Variants in ZBTB11 observed in about 807,000 individuals in gnomAD.
The protein encoded by ZBTB11 is zinc finger and BTB domain containing 11.
In ZBTB11, 68 loss-of-function variants were observed where a neutral mutation model predicts 113.1. The ratio of observed to expected loss-of-function variants is 0.60; its 90% CI spans 0.49 to 0.74. ZBTB11 has a LOEUF of 0.74. Ranked by LOEUF, ZBTB11 falls within the 30% of genes least tolerant of loss-of-function variation. The probability of loss-of-function intolerance (pLI) is 0.00; values close to 1 mark genes in which losing one functional copy is unlikely to be tolerated. For synonymous variants in ZBTB11, 518 were observed against 452.6 expected (o/e 1.14, Z -1.83); for missense variants, 1,104 against 1,279.4 (o/e 0.86, Z 2.09).
rs950947211 is a variant in ZBTB11 at position 101,650,056 on chromosome 3, T to A, written c.*1110A>T. ...ATGAATTAATATAACTTAGTTTTCA[T>A]AACCTTTAAAAATAATTTATCTTCA... On this transcript the variant is annotated 3_prime_UTR_variant, in exon 11 of 11. Coordinates refer to ENST00000312938, the MANE Select transcript of ZBTB11 (RefSeq NM_014415.4). 1.3e-5 allele frequency: 2 copies of A among 152,506 alleles called. No homozygotes were observed. Among genetic ancestry groups the A allele is most frequent in the African/African-American group, 4.8e-5 (2 of 41,458 alleles). 9.4% of individuals were successfully genotyped at this position (152,506 alleles called of 1,614,324 possible).
chr3:101,657,496 GAC>G (rs1158261692), intron 6 of ZBTB11, among the ~76,000 whole-genome samples: 1 of 150,012 alleles, frequency 6.7e-6, no homozygotes, highest in Non-Finnish European at 1.5e-5. Flanking sequence ...AACAGAGTGA[GAC>G]CCTGCCTCCA....
Position 101,648,895 on chromosome 3 carries a change from A to G in ZBTB11, c.*2271T>C, listed in dbSNP as rs1936648311. The G allele has an allele frequency of 6.6e-6, 1 of 152,288 alleles. No homozygotes were observed. Among genetic ancestry groups the G allele is most frequent in the South Asian group, 2.1e-4 (1 of 4,826 alleles). 9.4% of individuals were successfully genotyped at this position (152,288 alleles called of 1,614,324 possible). A position where few individuals can be genotyped will look rare whatever the true frequency, so the allele number is the denominator to read the frequency against. ...GTACCTGCGTTCTTGTCCAGCGTCC[A>G]GGAAGAATCAGGTCACATGGACAAA... On this transcript the variant is annotated 3_prime_UTR_variant, in exon 11 of 11. Transcript: ENST00000312938.
chr3:101,655,323 G>A (rs1394958185), intron 7 of ZBTB11, among the ~76,000 whole-genome samples: 6 of 152,102 alleles, frequency 3.9e-5, no homozygotes, highest in Non-Finnish European at 8.8e-5. Context: ...ACTATCAGAG[G>A]GTATGACCCT....
rs1261318121 is a variant in ZBTB11 at position 101,676,948 on chromosome 3, G to C, written c.-34C>G. 1 of 1,515,530 alleles carries C rather than the reference G, an allele frequency of 6.6e-7. No individual in the cohort carries two copies. Among genetic ancestry groups the C allele is most frequent in the Non-Finnish European group, 8.8e-7 (1 of 1,131,234 alleles). 93.9% of individuals were successfully genotyped at this position (1,515,530 alleles called of 1,614,324 possible). A position where few individuals can be genotyped will look rare whatever the true frequency, so the allele number is the denominator to read the frequency against. ...GCGGCTCCCTGAGGGCGCCTGTCAG[G>C]GACAGGTGAGGAAAACGGCCCGCTA... On this transcript the variant is annotated 5_prime_UTR_variant, in exon 1 of 11. Transcript: ENST00000312938.
In ZBTB11 at chr3:101,649,365, ATAAAT is replaced by A. The variant is rs1270566640; in HGVS notation, c.*1796_*1800del. 1 of 152,242 alleles carries A rather than the reference ATAAAT, an allele frequency of 6.6e-6. No individual in the cohort carries two copies. Among genetic ancestry groups the A allele is most frequent in the East Asian group, 1.9e-4 (1 of 5,202 alleles). 9.4% of individuals were successfully genotyped at this position (152,242 alleles called of 1,614,324 possible). A position where few individuals can be genotyped will look rare whatever the true frequency, so the allele number is the denominator to read the frequency against. ...TGTTTTATTTCCTTTCCCTTTAAAAATAAATTAACTTAATAACACATCAAGTAACA... is the reference window on the plus strand; with the variant it reads ...TGTTTTATTTCCTTTCCCTTTAAAAATAACTTAATAACACATCAAGTAACA... On this transcript the variant is annotated 3_prime_UTR_variant, in exon 11 of 11. Coordinates refer to ENST00000312938, the MANE Select transcript of ZBTB11 (RefSeq NM_014415.4).
At chr3:101,668,232 G>A (rs947357813) in intron 3 of ZBTB11, among the ~76,000 whole-genome samples, 11 of 152,056 alleles carry the variant, frequency 7.2e-5, no homozygotes, top group East Asian at 5.8e-4. Context: ...ATAGGAGGAG[G>A]TTGATTAATA....
intron 1 of ZBTB11, among the ~76,000 whole-genome samples, chr3:101,676,313 G>A (rs960956652): frequency 1.3e-5 from 2 of 152,228 alleles, no homozygotes; most frequent in Admixed American, 1.3e-4. Flanking sequence ...CCAAGGAGGC[G>A]GACCTGGCGC....
chr3:101,675,777 G>C (rs1356784598), intron 1 of ZBTB11, among the ~76,000 whole-genome samples: 1 of 152,154 alleles, frequency 6.6e-6, no homozygotes, highest in East Asian at 1.9e-4. Flanking sequence ...ATCATTAGGG[G>C]AAAGATTATT....
rs73159207 is a variant in ZBTB11, at chr3:101,660,704, A to G, written c.1801-676T>C. On this transcript the variant is annotated intron_variant, in intron 5 of 10. Coordinates refer to ENST00000312938, the MANE Select transcript of ZBTB11 (RefSeq NM_014415.4). Reference sequence around the variant, plus strand: ...CTTAGATATGTAAATGATTTCCATTACCCCTCTTTATCAATATAGTTATAT... The same window carrying G: ...CTTAGATATGTAAATGATTTCCATTGCCCCTCTTTATCAATATAGTTATAT... 5.9e-3 allele frequency among the ~76,000 whole-genome samples: 897 copies of G among 152,260 alleles called. 6 individuals are homozygous for G. The highest frequency in any genetic ancestry group is 9.3e-3 in the Non-Finnish European group (632 of 68,016).
At chr3:101,661,800 C>G (rs1310681830) in intron 5 of ZBTB11, among the ~76,000 whole-genome samples, 1 of 152,116 alleles carries the variant, frequency 6.6e-6, no homozygotes, top group Non-Finnish European at 1.5e-5. Context: ...TCCTTAAGTT[C>G]TGAAATTTTT....
chr3:101,667,194 C>T (rs914825224), intron 3 of ZBTB11, among the ~76,000 whole-genome samples: 2 of 152,142 alleles, frequency 1.3e-5, no homozygotes, highest in Admixed American at 6.5e-5. Context: ...GCAGGGCAGG[C>T]GTGCACCTGG....
chr3:101,652,580 G>C lies in ZBTB11; in HGVS notation c.2560C>G (p.Gln854Glu). 6.2e-7 allele frequency: 1 copy of C among 1,614,128 alleles called. No homozygotes were observed. Among genetic ancestry groups the C allele is most frequent in the Non-Finnish European group, 8.5e-7 (1 of 1,180,012 alleles). ...ATHGKKGRAK[Q>E]NLERVCEKCG... The stretch of plus-strand genomic sequence containing the variant: ...TTTTCACACACCCGTTCCAGGTTTT[G>C]CTTTGCTCTTCCTTTCTTCCCATGG... The change falls in exon 10 of 11, where the codon CAA (glutamine) becomes GAA (glutamate). Residue 854 changes from glutamine to glutamate, a missense_variant. Gln to Glu is a conservative substitution (Grantham distance 29). Coordinates refer to ENST00000312938, the MANE Select transcript of ZBTB11 (RefSeq NM_014415.4).
intron 5 of ZBTB11, among the ~76,000 whole-genome samples, chr3:101,663,395 T>G (rs113426946): frequency 1.3e-5 from 2 of 152,204 alleles, no homozygotes; most frequent in Admixed American, 1.3e-4. Flanking sequence ...TTGAAATCTT[T>G]TGTCATGAGT....
At chr3:101,674,399 G>A (rs1937129466) in intron 1 of ZBTB11, among the ~76,000 whole-genome samples, 1 of 152,096 alleles carries the variant, frequency 6.6e-6, no homozygotes, top group Non-Finnish European at 1.5e-5. Context: ...TTATATGAGT[G>A]TAGATTTAGA....
At chr3:101,660,061 T>C (rs779622049) in intron 5 of ZBTB11, 33 bp from the exon 6 acceptor site, 9 of 1,589,802 alleles carry the variant, frequency 5.7e-6, no homozygotes, top group Admixed American at 5.2e-5. Flanking sequence ...TCTAAATGTA[T>C]TTCCATTACA....
intron 3 of ZBTB11, among the ~76,000 whole-genome samples, chr3:101,668,996 G>A (rs1010947626): frequency 4.6e-5 from 7 of 151,984 alleles, no homozygotes; most frequent in South Asian, 2.1e-4. Context: ...CCAGGGGTAC[G>A]GCAGACTAAG....
rs1391871513 is a variant in ZBTB11, at chr3:101,664,563, T to G, written c.1775A>C (p.Glu592Ala). The change falls in exon 5 of 11, where the codon GAA becomes GCA. Residue 592 changes from glutamate to alanine, a missense_variant. Transcript: ENST00000312938. ...TGGACATTTGTAATCTCTAGCTCTT[T>G]CATGTTTCAGTTTGTGCATTATAAG... is the stretch of plus-strand genomic sequence containing the variant. ...YALIMHKLKH[E>A]RARDYKCPLC... is the part of the protein sequence containing the mutation. The G allele has an allele frequency of 1.2e-6, 2 of 1,606,908 alleles. No individual in the cohort carries two copies. Among genetic ancestry groups the G allele is most frequent in the Non-Finnish European group, 1.7e-6 (2 of 1,178,312 alleles).
At chr3:101,666,497 C>A (rs1000097668) in intron 3 of ZBTB11, among the ~76,000 whole-genome samples, 1 of 151,268 alleles carries the variant, frequency 6.6e-6, no homozygotes, top group Non-Finnish European at 1.5e-5. Context: ...TTTGCCTATA[C>A]CAGGTCTAAG....
chr3:101,659,108 G>A (rs1326232923), intron 6 of ZBTB11, among the ~76,000 whole-genome samples: 1 of 152,102 alleles, frequency 6.6e-6, no homozygotes, highest in Admixed American at 6.6e-5. Flanking sequence ...GCGTGGTGGT[G>A]CACATCTGTA....
Sources: allele counts gnomAD v4.1 joint callset (sites outside exome capture counted in the v4.1 genomes callset), GRCh38; gene constraint gnomAD v4.1.1; transcripts MANE v1.5; gene names NCBI Gene and HGNC (gene_info 2026-07-23, HGNC 2026-07-21).